Variants in USP40 observed in about 807,000 individuals in gnomAD.
USP40 encodes the protein ubiquitin carboxyl-terminal hydrolase 40.
USP40 carries 143 observed loss-of-function variants against 166.2 expected under a neutral mutation model. The observed-to-expected ratio is 0.86, with a 90% CI of 0.75 to 0.99. The LOEUF is 0.99. USP40 is among the 50% of genes least tolerant of loss of function. The pLI is 0.00. For missense variants in USP40, 1,444 were observed against 1,479.7 expected (o/e 0.98, Z 0.40); for synonymous variants, 498 against 524.0 (o/e 0.95, Z 0.68).
At chr2:233,495,504 G>C (rs1022575375) in intron 24 of USP40, among the ~76,000 whole-genome samples, 2 of 151,876 alleles carry the variant, frequency 1.3e-5, no homozygotes, top group Admixed American at 6.6e-5. Flanking sequence ...CGATTTGCCT[G>C]CATTGGCCTC....
At chr2:233,525,425 G>C (rs907383728) in intron 14 of USP40, 53 bp downstream of exon 14, 3 of 1,422,206 alleles carry the variant, frequency 2.1e-6, no homozygotes, top group Non-Finnish European at 3.0e-6. Context: ...AGGTGAGCCG[G>C]ACAAAAATGT....
At chr2:233,547,860 T>C (rs538206471) in intron 8 of USP40, among the ~76,000 whole-genome samples, 1 of 152,324 alleles carries the variant, frequency 6.6e-6, no homozygotes, top group African/African-American at 2.4e-5. Flanking sequence ...GTGAGATTAC[T>C]GACAAGGTGA....
chr2:233,504,952 T>C (rs1417013980), intron 21 of USP40, among the ~76,000 whole-genome samples: 2 of 152,112 alleles, frequency 1.3e-5, no homozygotes, highest in Admixed American at 1.3e-4. Context: ...GAGCATACAT[T>C]AGACCACAAA....
At chr2:233,526,992 T>C (rs1041701566) in intron 13 of USP40, among the ~76,000 whole-genome samples, 2 of 152,352 alleles carry the variant, frequency 1.3e-5, no homozygotes, top group African/African-American at 4.8e-5. Context: ...CACTTAAGAA[T>C]ATTATTAATA....
At chr2:233,527,190 T>C (rs959315324) in intron 13 of USP40, among the ~76,000 whole-genome samples, 8 of 151,852 alleles carry the variant, frequency 5.3e-5, no homozygotes, top group East Asian at 1.9e-4. Context: ...CCAGGCCTGA[T>C]TGTCTACCTG....
At chr2:233,525,953 CTAG>C (rs2067995750) in intron 13 of USP40, among the ~76,000 whole-genome samples, 5 of 152,300 alleles carry the variant, frequency 3.3e-5, no homozygotes, top group Non-Finnish European at 5.9e-5. Context: ...AGCCCTGACT[CTAG>C]CACACACTCA....
chr2:233,509,919 A>G (rs2066685835), intron 21 of USP40, 130 bp downstream of exon 21: 3 of 682,404 alleles, frequency 4.4e-6, no homozygotes, highest in East Asian at 5.7e-5. Flanking sequence ...GTGAGTACAT[A>G]TAATTCTCTG....
At chr2:233,491,992 T>C (rs2065378758) in intron 25 of USP40, among the ~76,000 whole-genome samples, 1 of 152,232 alleles carries the variant, frequency 6.6e-6, no homozygotes, top group Admixed American at 6.5e-5. Flanking sequence ...GAGAAGTTCC[T>C]CTTGTGTCTT....
chr2:233,510,372 T>C (rs1398281080), intron 20 of USP40, among the ~76,000 whole-genome samples: 2 of 144,402 alleles, frequency 1.4e-5, no homozygotes, highest in Non-Finnish European at 3.0e-5. Flanking sequence ...GTCTCCCACA[T>C]ACACTACTTC....
chr2:233,485,673 T>C, intron 29 of USP40, 47 bp from the exon 30 acceptor site: 2 of 1,604,332 alleles, frequency 1.2e-6, no homozygotes, highest in South Asian at 1.1e-5. Flanking sequence ...CAACCTCAAG[T>C]TCTCACTAAC....
intron 26 of USP40, 81 bp from the exon 27 acceptor site, chr2:233,489,564 G>A (rs1319135199): frequency 1.8e-6 from 2 of 1,105,094 alleles, no homozygotes; most frequent in Non-Finnish European, 2.6e-6. Context: ...AAAAAATGAA[G>A]CACTACACAG....
Position 233,498,658 on chromosome 2 carries a change from G to A in USP40, c.2651-46C>T, listed in dbSNP as rs760409175. 3.3e-6 allele frequency: 5 copies of A among 1,508,384 alleles called. No homozygotes were observed. The South Asian group carries it at 4.6e-5, about 14-fold the overall frequency. The allele number at this position is 1,508,384 out of a possible 1,614,324, so 93.4% of individuals were successfully genotyped here. ...GGATAAAAAAAATTCAAAGTTAGGT[G>A]AGACGTTGCGTGTAACTTCTAGAAG... On this transcript the variant is annotated intron_variant, in intron 22 of 31. Coordinates refer to ENST00000678225, the MANE Select transcript of USP40 (RefSeq NM_001365479.2).
At chr2:233,541,527 A>C (rs922429259) in intron 9 of USP40, among the ~76,000 whole-genome samples, 1 of 152,236 alleles carries the variant, frequency 6.6e-6, no homozygotes, top group Non-Finnish European at 1.5e-5. Context: ...CCAGCCTTCA[A>C]AACTGTCAGA....
rs201446243 is a variant in USP40, at chr2:233,489,436, G to C, written c.3060C>G (p.Ala1020=). Residue 1020 remains alanine, a synonymous_variant, in exon 27 of 32, where the codon GCC becomes GCG. Coordinates refer to ENST00000678225, the MANE Select transcript of USP40 (RefSeq NM_001365479.2). ...TCTCCACCGTCCAGGCTCTGAGGTG[G>C]GCTGGGGACGGGACACCGAACTCCA... The part of the protein sequence containing the change: ...PFLEFGVPSP[A]HLRAWTVERK... 232 of 1,607,728 alleles carry C rather than the reference G, an allele frequency of 1.4e-4. No homozygotes were observed. Among genetic ancestry groups the C allele is most frequent in the Non-Finnish European group, 1.9e-4 (224 of 1,177,268 alleles).
At chr2:233,545,688 G>A (rs190064231) in intron 8 of USP40, 175 of 195,936 alleles carry the variant, frequency 8.9e-4, no homozygotes, top group African/African-American at 3.9e-3. Context: ...CACGAGATTG[G>A]TCCTGAAAAC....
chr2:233,491,656 G>A (rs373545594), intron 25 of USP40, among the ~76,000 whole-genome samples: 8 of 151,594 alleles, frequency 5.3e-5, no homozygotes, highest in African/African-American at 7.3e-5. Context: ...GTGTGCAGGC[G>A]TTTAATCTGC....
At chr2:233,547,317 G>C (rs1358348817) in intron 8 of USP40, among the ~76,000 whole-genome samples, 1 of 152,074 alleles carries the variant, frequency 6.6e-6, no homozygotes, top group African/African-American at 2.4e-5. Context: ...ACATGTTCCT[G>C]GTAGAACACA....
chr2:233,554,707 T>C (rs1163966602), intron 5 of USP40, among the ~76,000 whole-genome samples, 181 bp from the exon 6 acceptor site: 5 of 152,170 alleles, frequency 3.3e-5, no homozygotes, highest in South Asian at 4.1e-4. Flanking sequence ...TCTTTTGAAA[T>C]TGAACTATAA....
At chr2:233,545,653 G>T (rs2069846678) in intron 8 of USP40, 1 of 166,304 alleles carries the variant, frequency 6.0e-6, no homozygotes, top group Middle Eastern at 1.2e-3. Context: ...AGACTAAAAT[G>T]TTGGCTTTAA....
Sources: allele counts gnomAD v4.1 joint callset (sites outside exome capture counted in the v4.1 genomes callset), GRCh38; gene constraint gnomAD v4.1.1; transcripts MANE v1.5; gene names NCBI Gene and HGNC (gene_info 2026-07-23, HGNC 2026-07-21).